The following COL5A2 variants were observed in gnomAD, a reference collection of about 807,000 sequenced individuals.
COL5A2 encodes the protein collagen type V alpha 2 chain, also known as collagen alpha-2(V) chain.
A neutral mutation model predicts 208.2 loss-of-function variants in COL5A2; 23 were observed. That is an observed-to-expected ratio of 0.11 (90% CI 0.08 to 0.16). The LOEUF (loss-of-function observed/expected upper bound fraction) is 0.16. COL5A2 is among the 10% of genes least tolerant of loss of function. The pLI is 1.00. For missense variants in COL5A2, 1,590 were observed against 1,956.4 expected (o/e 0.81, Z 3.53); for synonymous variants, 625 against 628.5 (o/e 0.99, Z 0.08).
chr2:189,221,717 A>C (rs529583437), intron 1 of COL5A2, among the ~76,000 whole-genome samples: 64 of 152,250 alleles, frequency 4.2e-4, no homozygotes, highest in African/African-American at 1.5e-3. Flanking sequence ...CTTGCAAAGA[A>C]AGATTTCTTA....
chr2:189,034,159 G>A lies in COL5A2; in HGVS notation c.4411C>T (p.Arg1471Cys), dbSNP rs1430667498. 18 of 1,613,842 alleles carry A rather than the reference G, an allele frequency of 1.1e-5. No individual in the cohort carries two copies. The highest frequency in any genetic ancestry group is 6.7e-5 in the East Asian group (3 of 44,894). ...VFEYRTQNVA[R>C]LPIIDLAPVD... ...GGAGCAAGATCTATGATGGGCAAGC[G>A]TGCCACATTCTGTGTTCTATATTCA... The change falls in exon 54 of 54, where the codon CGC (arginine) becomes TGC (cysteine). Residue 1471 changes from arginine to cysteine, a missense_variant. By Grantham distance (180) the Arg-to-Cys change is radical. Coordinates refer to ENST00000374866, the MANE Select transcript of COL5A2 (RefSeq NM_000393.5).
chr2:189,358,117 C>T, the COL5A2 span, among the ~76,000 whole-genome samples: 2 of 152,062 alleles, frequency 1.3e-5, no homozygotes, highest in Non-Finnish European at 2.9e-5. Context: ...TAGAAATCAC[C>T]CACCTTCTAT....
intron 31 of COL5A2, among the ~76,000 whole-genome samples, chr2:189,059,750 C>A (rs1368457409): frequency 1.3e-5 from 2 of 151,560 alleles, no homozygotes; most frequent in African/African-American, 4.9e-5. Flanking sequence ...GCATGTGCCA[C>A]CATGCCCAGG....
the COL5A2 span, among the ~76,000 whole-genome samples, chr2:189,242,335 T>C: frequency 4.5e-4 from 68 of 152,318 alleles, 1 homozygote; most frequent in African/African-American, 1.5e-3. Flanking sequence ...CCCTGTATGG[T>C]AGGTACTGTT....
intron 50 of COL5A2, 45 bp downstream of exon 50, chr2:189,041,541 A>C: frequency 1.4e-6 from 2 of 1,419,034 alleles, no homozygotes; most frequent in Non-Finnish European, 2.0e-6. Flanking sequence ...AATCTGAGCT[A>C]TTGAATAAAT....
chr2:189,271,423 A>C, the COL5A2 span, among the ~76,000 whole-genome samples: 1 of 152,232 alleles, frequency 6.6e-6, no homozygotes, highest in Non-Finnish European at 1.5e-5. Flanking sequence ...TTCCCTATTT[A>C]ATAAATGATG....
chr2:189,084,070 G>T, intron 11 of COL5A2, 33 bp from the exon 12 acceptor site: 1 of 1,472,702 alleles, frequency 6.8e-7, no homozygotes, highest in Non-Finnish European at 9.5e-7. Context: ...GATTGGGAAG[G>T]CAAAAGTGAT....
chr2:189,370,530 C>T, the COL5A2 span, among the ~76,000 whole-genome samples: 1 of 151,828 alleles, frequency 6.6e-6, no homozygotes, highest in African/African-American at 2.4e-5. Flanking sequence ...GTCACATTAT[C>T]TAAAATAAAA....
chr2:189,308,343 G>A, the COL5A2 span, among the ~76,000 whole-genome samples: 1 of 151,920 alleles, frequency 6.6e-6, no homozygotes, highest in Non-Finnish European at 1.5e-5. Context: ...TTAACATTAA[G>A]CAATAAGACA....
intron 1 of COL5A2, among the ~76,000 whole-genome samples, chr2:189,212,283 T>C (rs1396307458): frequency 6.6e-5 from 10 of 152,254 alleles, no homozygotes; most frequent in African/African-American, 2.2e-4. Flanking sequence ...TTTTGTCAAA[T>C]ACAATAGCAA....
chr2:189,211,277 T>C (rs1689209669), intron 1 of COL5A2, among the ~76,000 whole-genome samples: 1 of 152,172 alleles, frequency 6.6e-6, no homozygotes, highest in African/African-American at 2.4e-5. Context: ...CTTTATCCTA[T>C]AATGACGTTC....
Position 189,034,871 on chromosome 2 carries a change from A to T in COL5A2, c.4353+45T>A, listed in dbSNP as rs199895625. 5.0e-5 allele frequency: 80 copies of T among 1,609,268 alleles called. 1 individual carries two copies. The South Asian group carries it at 5.8e-4, about 12-fold the overall frequency. ...TGTAATAGTATTTTTAACAAAAATA[A>T]TTTTTTTTCCTCAACCAGATCAATG... On this transcript the variant is annotated intron_variant, in intron 53 of 53. Transcript: ENST00000374866.
intron 1 of COL5A2, among the ~76,000 whole-genome samples, chr2:189,163,102 C>A (rs1688400776): frequency 6.6e-6 from 1 of 151,998 alleles, no homozygotes; most frequent in Non-Finnish European, 1.5e-5. Context: ...AGCCCACAAC[C>A]ATTTAATAAT....
the COL5A2 span, among the ~76,000 whole-genome samples, chr2:189,362,728 A>C: frequency 6.6e-6 from 1 of 152,166 alleles, no homozygotes; most frequent in Non-Finnish European, 1.5e-5. Flanking sequence ...GTTTCTGCTT[A>C]GAGGAAATAT....
In COL5A2 at chr2:189,033,334, A is replaced by C. The variant is rs1347965670; in HGVS notation, c.*736T>G. 6.5e-6 allele frequency: 1 copy of C among 152,726 alleles called. No homozygotes were observed. Among genetic ancestry groups the C allele is most frequent in the African/African-American group, 2.4e-5 (1 of 41,450 alleles). The allele number at this position is 152,726 out of a possible 1,614,324, so 9.5% of individuals were successfully genotyped here. A position where few individuals can be genotyped will look rare whatever the true frequency, so the allele number is the denominator to read the frequency against. ...TATTGATAGATTGATCAAGAGGAGAAAGATATCTTTAAATTTGAATGAGAA... is the reference window on the plus strand; with the variant it reads ...TATTGATAGATTGATCAAGAGGAGACAGATATCTTTAAATTTGAATGAGAA... On this transcript the variant is annotated 3_prime_UTR_variant, in exon 54 of 54. Transcript: ENST00000374866.
the COL5A2 span, among the ~76,000 whole-genome samples, chr2:189,256,281 A>G: frequency 2.0e-5 from 3 of 152,186 alleles, no homozygotes; most frequent in South Asian, 6.2e-4. Flanking sequence ...GATTGGAGGG[A>G]CAAGACTGAA....
the COL5A2 span, among the ~76,000 whole-genome samples, chr2:189,305,709 T>C: frequency 2.6e-5 from 4 of 152,036 alleles, no homozygotes; most frequent in South Asian, 2.1e-4. Context: ...AAACCTACAC[T>C]GAAACTCTTA....
At chr2:189,239,571 A>G in the COL5A2 span, among the ~76,000 whole-genome samples, 1 of 137,190 alleles carries the variant, frequency 7.3e-6, no homozygotes, top group Non-Finnish European at 1.5e-5. Flanking sequence ...TTGAACAATG[A>G]GAACACATGG....
At chr2:189,216,064 C>T (rs1301655284) in intron 1 of COL5A2, among the ~76,000 whole-genome samples, 1 of 152,032 alleles carries the variant, frequency 6.6e-6, no homozygotes, top group African/African-American at 2.4e-5. Flanking sequence ...ACTCATTCCT[C>T]CTATAAAATA....
Sources: allele counts gnomAD v4.1 joint callset (sites outside exome capture counted in the v4.1 genomes callset), GRCh38; gene constraint gnomAD v4.1.1; transcripts MANE v1.5; gene names NCBI Gene and HGNC (gene_info 2026-07-23, HGNC 2026-07-21).